Variants in NALCN observed in about 807,000 individuals in gnomAD.
NALCN encodes the protein sodium leak channel, non-selective, also known as sodium leak channel NALCN.
Under a neutral mutation model 225.3 loss-of-function variants are expected in NALCN, and 111 were observed. The observed-to-expected ratio is 0.49, with a 90% confidence interval of 0.42 to 0.58. The LOEUF (loss-of-function observed/expected upper bound fraction) is 0.58. Ranked by LOEUF, NALCN falls within the 20% of genes least tolerant of loss-of-function variation. The pLI, the probability that NALCN is intolerant of heterozygous loss-of-function variation, is 0.00. For synonymous variants in NALCN, 764 were observed against 769.0 expected, an observed-to-expected ratio of 0.99 and a Z score of 0.11; for missense variants, 1,378 against 2,202.4, an observed-to-expected ratio of 0.63 and a Z score of 7.49.
chr13:101,138,588 C>T (rs1332869522), intron 17 of NALCN, among the ~76,000 whole-genome samples: 1 of 152,184 alleles, frequency 6.6e-6, no homozygotes, highest in Non-Finnish European at 1.5e-5. Flanking sequence ...ACTCATGCTT[C>T]CCAGGCTATT....
At chr13:101,368,291 A>C (rs2046438091) in intron 6 of NALCN, among the ~76,000 whole-genome samples, 1 of 151,872 alleles carries the variant, frequency 6.6e-6, no homozygotes, top group Non-Finnish European at 1.5e-5. Context: ...ACTGAGAATG[A>C]TGATTTCCAA....
At chr13:101,095,945 C>T (rs184496917) in intron 27 of NALCN, among the ~76,000 whole-genome samples, 31 of 152,166 alleles carry the variant, frequency 2.0e-4, no homozygotes, top group Non-Finnish European at 3.1e-4. Flanking sequence ...AAAAAGCACA[C>T]GACAAGATGC....
At chr13:101,128,769 A>C (rs2036366643) in intron 17 of NALCN, among the ~76,000 whole-genome samples, 1 of 151,468 alleles carries the variant, frequency 6.6e-6, no homozygotes, top group African/African-American at 2.4e-5. Flanking sequence ...TTCATGTTGC[A>C]CAGGCTGGTC....
At chr13:101,379,780 T>C (rs929318874) in intron 3 of NALCN, among the ~76,000 whole-genome samples, 5 of 152,092 alleles carry the variant, frequency 3.3e-5, no homozygotes, top group African/African-American at 1.2e-4. Context: ...AGGTTGATGG[T>C]GCAGCAAACC....
intron 15 of NALCN, among the ~76,000 whole-genome samples, chr13:101,171,215 T>G (rs994152244): frequency 1.3e-5 from 2 of 150,070 alleles, no homozygotes; most frequent in Admixed American, 6.6e-5. Context: ...ATAAAAAATA[T>G]AATTTTTATA....
In NALCN at chr13:101,142,389, G is replaced by A. The variant is rs148216361; in HGVS notation, c.2118+691C>T. 7.2e-3 allele frequency among the ~76,000 whole-genome samples: 1,092 copies of A among 151,934 alleles called. 11 individuals carry two copies. Among genetic ancestry groups the A allele is most frequent in the African/African-American group, 0.025 (1,043 of 41,422 alleles). Reference sequence around the variant, plus strand: ...ACTTCTGACCTCAAGTGATCCACCCGCCTCGGCCTCCCAAAGTGCTGGGAT... The same window carrying A: ...ACTTCTGACCTCAAGTGATCCACCCACCTCGGCCTCCCAAAGTGCTGGGAT... On this transcript the variant is annotated intron_variant, in intron 17 of 43. Transcript: ENST00000251127.
At chr13:101,196,032 T>A (rs562958240) in intron 13 of NALCN, among the ~76,000 whole-genome samples, 1 of 152,164 alleles carries the variant, frequency 6.6e-6, no homozygotes, top group African/African-American at 2.4e-5. Flanking sequence ...GGCCAGGTAA[T>A]GTTCTAAAAT....
At chr13:101,078,680 C>T (rs1345878000) in intron 34 of NALCN, among the ~76,000 whole-genome samples, 1 of 152,160 alleles carries the variant, frequency 6.6e-6, no homozygotes, top group South Asian at 2.1e-4. Flanking sequence ...AGAAACTTTC[C>T]TGTTCTCAGA....
chr13:101,233,676 C>T (rs9513871), intron 12 of NALCN, among the ~76,000 whole-genome samples: 58,032 of 151,872 alleles, frequency 0.38, 12,166 homozygotes, highest in East Asian at 0.59. Flanking sequence ...GCTAGGTATG[C>T]GGTCTTGGGC....
intron 40 of NALCN, among the ~76,000 whole-genome samples, chr13:101,063,769 C>T (rs1464966865): frequency 2.0e-5 from 3 of 151,912 alleles, no homozygotes; most frequent in Non-Finnish European, 4.4e-5. Context: ...TTTCTGTACA[C>T]CTGAGTTCTC....
chr13:101,353,055 G>C lies in NALCN; in HGVS notation c.645-7635C>G, dbSNP rs189875267. Among the ~76,000 whole-genome samples the C allele has an allele frequency of 5.9e-5, 9 of 152,150 alleles. No individual in the cohort carries two copies. In the East Asian group the frequency reaches 1.4e-3, roughly 23 times the overall value. On this transcript the variant is annotated intron_variant, in intron 6 of 43. Transcript: ENST00000251127. The stretch of plus-strand genomic sequence containing the variant: ...TTTTGTTTTTGATTGCATCTGTAAG[G>C]CTTCATTTTTATTTATATAGTATGT...
At chr13:101,095,711 A>G (rs1175880302) in intron 27 of NALCN, 31 bp from the exon 28 acceptor site, 1 of 1,532,882 alleles carries the variant, frequency 6.5e-7, no homozygotes, top group Non-Finnish European at 8.9e-7. Flanking sequence ...GAGAGGGGAA[A>G]CCTGGTCAGA....
intron 14 of NALCN, among the ~76,000 whole-genome samples, chr13:101,178,760 A>G (rs182937611): frequency 6.6e-5 from 10 of 152,330 alleles, no homozygotes; most frequent in Admixed American, 6.5e-4. Flanking sequence ...TGGTGCTGTC[A>G]AGCCTTCTTA....
chr13:101,098,676 T>C (rs2034645254), intron 27 of NALCN, among the ~76,000 whole-genome samples: 1 of 152,198 alleles, frequency 6.6e-6, no homozygotes, highest in Admixed American at 6.5e-5. Flanking sequence ...TTGGTGTATC[T>C]ACTTTCCCCC....
intron 13 of NALCN, among the ~76,000 whole-genome samples, chr13:101,227,062 G>A (rs781608985): frequency 2.0e-5 from 3 of 152,230 alleles, no homozygotes; most frequent in South Asian, 2.1e-4. Flanking sequence ...GCTGGAGAGC[G>A]GTGCCTACCT....
At chr13:101,312,655 A>G (rs1423049445) in intron 7 of NALCN, among the ~76,000 whole-genome samples, 1 of 152,060 alleles carries the variant, frequency 6.6e-6, no homozygotes, top group African/African-American at 2.4e-5. Context: ...TTCAGTTTCC[A>G]TGTAGTTGAG....
intron 30 of NALCN, among the ~76,000 whole-genome samples, chr13:101,087,503 G>GA (rs1295954601): frequency 3.3e-5 from 5 of 150,674 alleles, no homozygotes; most frequent in Non-Finnish European, 7.4e-5. Context: ...AACTTGCAGA[G>GA]AAAGAAACTT....
chr13:101,179,420 T>G (rs2039100669), intron 14 of NALCN, among the ~76,000 whole-genome samples: 1 of 152,188 alleles, frequency 6.6e-6, no homozygotes, highest in Non-Finnish European at 1.5e-5. Flanking sequence ...AAAATAAATT[T>G]CTTGGTTTTT....
intron 43 of NALCN, chr13:101,057,636 G>T: frequency 2.6e-6 from 1 of 380,066 alleles, no homozygotes; most frequent in Non-Finnish European, 4.9e-6. Flanking sequence ...CATGCCTTGA[G>T]GCACACAGAA....
Sources: allele counts gnomAD v4.1 joint callset (sites outside exome capture counted in the v4.1 genomes callset), GRCh38; gene constraint gnomAD v4.1.1; transcripts MANE v1.5; gene names NCBI Gene and HGNC (gene_info 2026-07-23, HGNC 2026-07-21).